The following TRAPPC12 variants were observed in gnomAD, a reference collection of about 807,000 sequenced individuals.
TRAPPC12 encodes trafficking protein particle complex subunit 12, also known as TPR repeat protein 15.
Under a neutral mutation model 69.2 loss-of-function variants are expected in TRAPPC12, and 61 were observed. The observed-to-expected ratio is 0.88, with a 90% CI of 0.72 to 1.09. TRAPPC12 has a LOEUF of 1.09. TRAPPC12 is among the 50% of genes least tolerant of loss of function. The pLI, the probability that TRAPPC12 is intolerant of heterozygous loss-of-function variation, is 0.00. For synonymous variants in TRAPPC12, 469 were observed against 438.9 expected (o/e 1.07, Z -0.86); for missense variants, 1,101 against 1,016.4 (o/e 1.08, Z -1.13).
chr2:3,403,622 T>C (rs1283200463), intron 3 of TRAPPC12, among the ~76,000 whole-genome samples: 1 of 152,230 alleles, frequency 6.6e-6, no homozygotes, highest in Non-Finnish European at 1.5e-5. Context: ...TTGCAGCCCA[T>C]TGAAATGACA....
At chr2:3,454,889 C>G (rs897047010) in intron 6 of TRAPPC12, 1 of 152,426 alleles carries the variant, frequency 6.6e-6, no homozygotes, top group Non-Finnish European at 1.5e-5. Flanking sequence ...CCACTCAGCA[C>G]GTGGAGAGAT....
intron 6 of TRAPPC12, among the ~76,000 whole-genome samples, chr2:3,447,686 CAT>C (rs1423564063): frequency 2.0e-5 from 3 of 152,134 alleles, no homozygotes; most frequent in Non-Finnish European, 2.9e-5. Flanking sequence ...CAAACTATAT[CAT>C]AGTGCAAAAT....
rs139615553 is a variant in TRAPPC12 at position 3,381,812 on chromosome 2, C to A, written c.-5+1936C>A. ...TCTCCTGCCATCACCTTCCACCCCT[C>A]CCTCACTAAAGTGGCTGTTACTATA... is the stretch of plus-strand genomic sequence containing the variant. On this transcript the variant is annotated intron_variant, in intron 1 of 11. Coordinates refer to ENST00000324266, the MANE Select transcript of TRAPPC12 (RefSeq NM_016030.6). Among the ~76,000 whole-genome samples the A allele has an allele frequency of 1.6e-3, 241 of 152,332 alleles. 2 individuals carry two copies. The highest frequency in any genetic ancestry group is 5.3e-3 in the African/African-American group (222 of 41,568).
chr2:3,382,830 A>G lies in TRAPPC12; in HGVS notation c.-5+2954A>G, dbSNP rs534395848. 3.3e-4 allele frequency among the ~76,000 whole-genome samples: 50 copies of G among 152,356 alleles called. 1 individual carries two copies. The South Asian group carries it at 0.01, about 32-fold the overall frequency. Reference sequence around the variant, plus strand: ...TCCCAGCTACTCCAGAGGCTGAGGCAGGAGGATGGGCTTGAGCCCAGAAGA... The same window carrying G: ...TCCCAGCTACTCCAGAGGCTGAGGCGGGAGGATGGGCTTGAGCCCAGAAGA... On this transcript the variant is annotated intron_variant, in intron 1 of 11. Transcript: ENST00000324266.
At chr2:3,466,622 G>A (rs569534730) in intron 9 of TRAPPC12, among the ~76,000 whole-genome samples, 9 of 152,270 alleles carry the variant, frequency 5.9e-5, no homozygotes, top group Admixed American at 3.3e-4. Context: ...ACTGACACAC[G>A]TAGGCACACG....
intron 1 of TRAPPC12, among the ~76,000 whole-genome samples, chr2:3,383,341 T>C (rs75707018): frequency 0.061 from 9,307 of 152,186 alleles, 937 homozygotes; most frequent in African/African-American, 0.21. Context: ...AAATATATTC[T>C]CTTATATTTT....
At chr2:3,448,251 C>T (rs1320675312) in intron 6 of TRAPPC12, among the ~76,000 whole-genome samples, 2 of 152,178 alleles carry the variant, frequency 1.3e-5, no homozygotes, top group Non-Finnish European at 2.9e-5. Context: ...TCACACAGCT[C>T]CAGAAGCCTC....
At chr2:3,395,917 A>G (rs1661102362) in intron 2 of TRAPPC12, among the ~76,000 whole-genome samples, 1 of 152,128 alleles carries the variant, frequency 6.6e-6, no homozygotes, top group Non-Finnish European at 1.5e-5. Flanking sequence ...TTTAGTAGAC[A>G]CGTGGTTTTG....
chr2:3,455,700 C>T (rs1056459897), intron 6 of TRAPPC12: 3 of 152,140 alleles, frequency 2.0e-5, no homozygotes, highest in African/African-American at 4.8e-5. Flanking sequence ...TTTTTATGGC[C>T]GAAGAGTACT....
At chr2:3,383,104 C>A (rs1046179595) in intron 1 of TRAPPC12, among the ~76,000 whole-genome samples, 10 of 152,036 alleles carry the variant, frequency 6.6e-5, no homozygotes, top group Non-Finnish European at 1.2e-4. Context: ...ATACCTCTTT[C>A]AGCTCTGTTG....
At chr2:3,467,959 AGTACACTCCACCCTGCC>A (rs1209647986) in intron 9 of TRAPPC12, 1 of 152,224 alleles carries the variant, frequency 6.6e-6, no homozygotes, top group Non-Finnish European at 1.5e-5. Context: ...GCCTTCCGGG[AGTACACTCCACCCTGCC>A]GTCTCTGGTC....
At chr2:3,447,345 G>T (rs766294581) in intron 6 of TRAPPC12, among the ~76,000 whole-genome samples, 4 of 152,106 alleles carry the variant, frequency 2.6e-5, no homozygotes, top group Non-Finnish European at 5.9e-5. Flanking sequence ...TGATCCACCC[G>T]CCTTGGCCTC....
At chr2:3,391,836 C>G (rs779775303) in intron 2 of TRAPPC12, among the ~76,000 whole-genome samples, 12 of 152,172 alleles carry the variant, frequency 7.9e-5, no homozygotes, top group Non-Finnish European at 1.6e-4. Flanking sequence ...CTTCCCTTCT[C>G]TCTCGGGGTC....
chr2:3,443,743 G>C (rs748655113), intron 5 of TRAPPC12, 36 bp from the exon 6 acceptor site: 1 of 1,568,124 alleles, frequency 6.4e-7, no homozygotes, highest in East Asian at 2.2e-5. Context: ...GCTCAGTTAT[G>C]GCAAACAAAC....
At chr2:3,471,813 G>A (rs1191483840) in intron 9 of TRAPPC12, among the ~76,000 whole-genome samples, 1 of 152,098 alleles carries the variant, frequency 6.6e-6, no homozygotes. Flanking sequence ...GGACTGAGAG[G>A]GTCCTCACTT....
chr2:3,418,058 AAC>A (rs1553316118), intron 3 of TRAPPC12, among the ~76,000 whole-genome samples: 5 of 26,586 alleles, frequency 1.9e-4, no homozygotes, highest in Non-Finnish European at 7.8e-5. Context: ...AAAAAAAAAA[AAC>A]ATTGTCATAG....
intron 6 of TRAPPC12, chr2:3,454,916 A>G (rs1381815151): frequency 2.0e-5 from 3 of 152,384 alleles, no homozygotes; most frequent in South Asian, 2.1e-4. Flanking sequence ...TGGCATGGAG[A>G]GATGGCCCAG....
At chr2:3,389,687 C>T (rs1240916648) in intron 2 of TRAPPC12, 3 of 471,164 alleles carry the variant, frequency 6.4e-6, no homozygotes, top group Non-Finnish European at 1.3e-5. Flanking sequence ...TGGAGGGTTA[C>T]AGTGTTATTG....
At chr2:3,420,685 A>C (rs1017793767) in intron 3 of TRAPPC12, among the ~76,000 whole-genome samples, 2 of 152,146 alleles carry the variant, frequency 1.3e-5, no homozygotes, top group Non-Finnish European at 2.9e-5. Flanking sequence ...AGGAAGCCCA[A>C]ATAAAGGACT....
Sources: allele counts gnomAD v4.1 joint callset (sites outside exome capture counted in the v4.1 genomes callset), GRCh38; gene constraint gnomAD v4.1.1; transcripts MANE v1.5; gene names NCBI Gene and HGNC (gene_info 2026-07-23, HGNC 2026-07-21).